Variants in NREP observed in about 807,000 individuals in gnomAD.
NREP encodes neuronal regeneration related protein, also known as neuronal regeneration-related protein.
A neutral mutation model predicts 8.6 loss-of-function variants in NREP; 5 were observed. That is an observed-to-expected ratio of 0.58 (90% CI 0.30 to 1.22). The LOEUF (loss-of-function observed/expected upper bound fraction) is 1.22, where lower values mean the gene tolerates loss of function less well. Ranked by LOEUF, NREP falls within the 50% of genes most tolerant of loss-of-function variation. NREP has a pLI of 0.07. For synonymous variants in NREP, 27 were observed against 28.0 expected (o/e 0.96, Z 0.11); for missense variants, 86 against 82.5 (o/e 1.04, Z -0.17).
At chr5:111,930,791 T>C (rs570513196) in intron 2 of NREP, among the ~76,000 whole-genome samples, 1 of 152,288 alleles carries the variant, frequency 6.6e-6, no homozygotes, top group African/African-American at 2.4e-5. Flanking sequence ...TCCTCTTGCC[T>C]GCTATGGGTT....
At chr5:111,793,666 G>A (rs1307463853) in intron 2 of NREP, among the ~76,000 whole-genome samples, 1 of 152,144 alleles carries the variant, frequency 6.6e-6, no homozygotes, top group Non-Finnish European at 1.5e-5. Context: ...CAGTTAAGTT[G>A]ACATATAAAA....
At chr5:111,928,556 G>C (rs183724059) in intron 2 of NREP, among the ~76,000 whole-genome samples, 6 of 152,252 alleles carry the variant, frequency 3.9e-5, no homozygotes, top group African/African-American at 7.2e-5. Context: ...CCATGAGTTT[G>C]AGGCCTGATG....
intron 2 of NREP, among the ~76,000 whole-genome samples, chr5:111,867,432 C>T (rs1753693532): frequency 6.6e-6 from 1 of 152,100 alleles, no homozygotes. Flanking sequence ...CTCTCTCTCC[C>T]CCTCCCTCCC....
At chr5:111,964,084 C>A (rs1395348515) in intron 2 of NREP, among the ~76,000 whole-genome samples, 1 of 152,182 alleles carries the variant, frequency 6.6e-6, no homozygotes, top group African/African-American at 2.4e-5. Context: ...TTTTGTACCT[C>A]CTTCTTCCCT....
chr5:111,775,375 T>TCAC, intron 2 of NREP, among the ~76,000 whole-genome samples: 1 of 152,122 alleles, frequency 6.6e-6, no homozygotes, highest in Non-Finnish European at 1.5e-5. Flanking sequence ...TGCCCTAGGG[T>TCAC]AGCAGGAGGC....
chr5:111,943,061 G>C (rs1010724067), intron 2 of NREP, among the ~76,000 whole-genome samples: 45 of 151,816 alleles, frequency 3.0e-4, no homozygotes, highest in African/African-American at 1.0e-3. Flanking sequence ...TCTCATCACT[G>C]CTGTCTCCTG....
intron 2 of NREP, among the ~76,000 whole-genome samples, chr5:111,801,297 T>C (rs1156956863): frequency 2.6e-5 from 4 of 152,126 alleles, no homozygotes; most frequent in South Asian, 2.1e-4. Flanking sequence ...TACAATGTGA[T>C]TGAGAATGTG....
chr5:111,948,893 T>G (rs928632299), intron 2 of NREP: 2 of 152,078 alleles, frequency 1.3e-5, no homozygotes, highest in African/African-American at 2.4e-5. Flanking sequence ...GAAGACTTGG[T>G]GACCAAAACT....
chr5:111,789,157 A>T (rs1355982323), intron 2 of NREP, among the ~76,000 whole-genome samples: 2 of 152,176 alleles, frequency 1.3e-5, no homozygotes, highest in African/African-American at 4.8e-5. Flanking sequence ...TCATGTATAT[A>T]CACATATATG....
At chr5:111,871,154 C>G (rs1017056534) in intron 2 of NREP, among the ~76,000 whole-genome samples, 1 of 150,348 alleles carries the variant, frequency 6.7e-6, no homozygotes, top group Non-Finnish European at 1.5e-5. Flanking sequence ...CATCATTGTG[C>G]AAATATCATA....
chr5:111,869,221 T>C (rs1233263795), intron 2 of NREP, among the ~76,000 whole-genome samples: 2 of 152,186 alleles, frequency 1.3e-5, no homozygotes, highest in Non-Finnish European at 2.9e-5. Context: ...AGGAGAAGTA[T>C]ATATTGCCAA....
intron 2 of NREP, among the ~76,000 whole-genome samples, chr5:111,897,338 G>C (rs939579107): frequency 6.6e-6 from 1 of 152,132 alleles, no homozygotes; most frequent in African/African-American, 2.4e-5. Flanking sequence ...TGAAAGAATA[G>C]ACAACACTGT....
chr5:111,944,628 T>C (rs1047068407), intron 2 of NREP, among the ~76,000 whole-genome samples: 2 of 152,120 alleles, frequency 1.3e-5, no homozygotes, highest in African/African-American at 2.4e-5. Context: ...CCAATTTTAT[T>C]TGTTTCCCAC....
intron 3 of NREP, among the ~76,000 whole-genome samples, chr5:111,731,374 C>T (rs1748546526): frequency 6.7e-6 from 1 of 150,356 alleles, no homozygotes; most frequent in African/African-American, 2.5e-5. Context: ...TCAGATAGGG[C>T]CCAACCTTAG....
intron 2 of NREP, among the ~76,000 whole-genome samples, chr5:111,833,492 T>C (rs935929535): frequency 2.0e-5 from 3 of 152,188 alleles, no homozygotes; most frequent in African/African-American, 7.2e-5. Context: ...AATCATACTG[T>C]ATCTGGATTA....
intron 2 of NREP, among the ~76,000 whole-genome samples, chr5:111,865,309 A>G (rs1274997975): frequency 1.3e-5 from 2 of 152,182 alleles, no homozygotes; most frequent in South Asian, 2.1e-4. Flanking sequence ...TGGTCATCAT[A>G]AATGCTTGGC....
chr5:111,878,182 T>C (rs975192291), intron 2 of NREP, among the ~76,000 whole-genome samples: 10 of 152,366 alleles, frequency 6.6e-5, no homozygotes, highest in East Asian at 5.8e-4. Flanking sequence ...TATCATTTTC[T>C]GTTATGTCTG....
intron 2 of NREP, among the ~76,000 whole-genome samples, chr5:111,876,404 A>T (rs1753910303): frequency 6.6e-6 from 1 of 152,140 alleles, no homozygotes; most frequent in African/African-American, 2.4e-5. Context: ...GCCATTAGTG[A>T]TGGGGCTCAG....
intron 2 of NREP, among the ~76,000 whole-genome samples, chr5:111,781,164 A>G (rs1014572208): frequency 6.6e-6 from 1 of 152,068 alleles, no homozygotes; most frequent in Non-Finnish European, 1.5e-5. Context: ...CACTTCTGAT[A>G]GGCCCCAGTG....
Sources: gnomAD v4.1 joint callset for allele counts (sites outside exome capture counted in the v4.1 genomes callset) on GRCh38, gnomAD v4.1.1 for gene constraint, MANE v1.5 for transcripts, NCBI Gene and HGNC (gene_info 2026-07-23, HGNC 2026-07-21) for gene names.